ITGA1: variants seen among roughly 807,000 people sequenced by gnomAD.
ITGA1 encodes the protein integrin subunit alpha 1.
In ITGA1, 85 loss-of-function variants were observed where a neutral mutation model predicts 145.9. The ratio of observed to expected loss-of-function variants is 0.58; its 90% CI spans 0.49 to 0.70. The LOEUF is 0.70. Ranked by LOEUF, ITGA1 falls within the 30% of genes least tolerant of loss-of-function variation. The probability of loss-of-function intolerance (pLI) is 0.00; values close to 1 mark genes in which losing one functional copy is unlikely to be tolerated. For synonymous variants in ITGA1, 520 were observed against 495.3 expected, an observed-to-expected ratio of 1.05 and a Z score of -0.66; for missense variants, 1,351 against 1,418.7, an observed-to-expected ratio of 0.95 and a Z score of 0.77.
intron 1 of ITGA1, among the ~76,000 whole-genome samples, chr5:52,812,845 C>G (rs1580041041): frequency 1.7e-5 from 2 of 115,398 alleles, no homozygotes; most frequent in South Asian, 6.1e-4. Context: ...GGCAACAGAT[C>G]AGCCATGGAA....
chr5:52,799,144 C>T (rs1406930344), intron 1 of ITGA1, among the ~76,000 whole-genome samples: 1 of 152,152 alleles, frequency 6.6e-6, no homozygotes, highest in Non-Finnish European at 1.5e-5. Flanking sequence ...CTCTGCCCTC[C>T]ACTCCATCTA....
At chr5:52,864,664 A>C (rs1749655270) in intron 3 of ITGA1, 99 bp from the exon 4 acceptor site, 2 of 700,612 alleles carry the variant, frequency 2.9e-6, no homozygotes, top group Non-Finnish European at 4.9e-6. Context: ...AGAATGTGCT[A>C]TGATATGAGC....
chr5:52,942,156 C>G (rs1751062883), intron 26 of ITGA1, among the ~76,000 whole-genome samples: 1 of 152,142 alleles, frequency 6.6e-6, no homozygotes, highest in African/African-American at 2.4e-5. Context: ...GTACCAGTAT[C>G]ATACTGTTTT....
chr5:52,883,435 G>A (rs969165276), intron 7 of ITGA1, among the ~76,000 whole-genome samples: 4 of 152,184 alleles, frequency 2.6e-5, no homozygotes, highest in Admixed American at 2.6e-4. Flanking sequence ...GGGACACAGA[G>A]TTTATTGAAT....
intron 5 of ITGA1, 132 bp downstream of exon 5, chr5:52,865,214 G>A (rs1297680784): frequency 4.7e-6 from 3 of 635,754 alleles, no homozygotes; most frequent in East Asian, 5.7e-5. Flanking sequence ...TTAGGTAAAT[G>A]TTTGCTTTGC....
At chr5:52,811,464 T>G (rs1184108477) in intron 1 of ITGA1, among the ~76,000 whole-genome samples, 1 of 152,310 alleles carries the variant, frequency 6.6e-6, no homozygotes, top group South Asian at 2.1e-4. Context: ...TTAAAAAGAA[T>G]CTTTTTTGCA....
chr5:52,930,092 G>T (rs1330456881), intron 21 of ITGA1, among the ~76,000 whole-genome samples: 2 of 152,080 alleles, frequency 1.3e-5, no homozygotes, highest in Non-Finnish European at 2.9e-5. Context: ...ATATCCTTTT[G>T]TAATTTAATA....
intron 2 of ITGA1, among the ~76,000 whole-genome samples, chr5:52,855,582 A>G (rs1049567899): frequency 1.2e-4 from 18 of 152,210 alleles, no homozygotes; most frequent in African/African-American, 3.6e-4. Context: ...TGGGGAATAG[A>G]GAACAAAAAT....
Position 52,843,491 on chromosome 5 carries a change from T to C in ITGA1, c.62-5874T>C, listed in dbSNP as rs1749287416. On this transcript the variant is annotated intron_variant, in intron 1 of 28. Coordinates refer to ENST00000282588, the MANE Select transcript of ITGA1 (RefSeq NM_181501.2). ...TGACCCACCTAGTCCAAAGACAGAA[T>C]TTCTTTATTAAGAAGCCAACAACTA... is the stretch of plus-strand genomic sequence containing the variant. Among the ~76,000 whole-genome samples the C allele has an allele frequency of 3.3e-5, 5 of 152,184 alleles. No individual in the cohort carries two copies. The South Asian group carries it at 1.0e-3, about 32-fold the overall frequency.
chr5:52,889,206 A>G (rs879830373), intron 8 of ITGA1, among the ~76,000 whole-genome samples: 4 of 151,992 alleles, frequency 2.6e-5, no homozygotes, highest in South Asian at 4.1e-4. Context: ...GGATCAAGCA[A>G]TTCTCCTGCC....
At chr5:52,894,485 G>C (rs916564354) in intron 9 of ITGA1, among the ~76,000 whole-genome samples, 8 of 151,940 alleles carry the variant, frequency 5.3e-5, no homozygotes, top group Admixed American at 1.3e-4. Context: ...ATGTCAAGTA[G>C]CTAATTACTT....
chr5:52,911,035 G>GTA (rs369304380), intron 14 of ITGA1, among the ~76,000 whole-genome samples: 1 of 6,510 alleles, frequency 1.5e-4, no homozygotes, highest in African/African-American at 1.2e-3. Flanking sequence ...TATGTATACT[G>GTA]TATATACTAT....
At chr5:52,932,387 T>C (rs1750906077) in intron 22 of ITGA1, 1 of 311,384 alleles carries the variant, frequency 3.2e-6, no homozygotes, top group Non-Finnish European at 5.9e-6. Flanking sequence ...GTGTTAGTGA[T>C]ACCGGATTGC....
Position 52,939,686 on chromosome 5 carries a change from A to G in ITGA1, c.3175A>G (p.Ile1059Val). The change falls in exon 25 of 29, where the codon ATT becomes GTT. Residue 1059 changes from isoleucine to valine, a missense_variant. Ile to Val is a conservative substitution (Grantham distance 29, BLOSUM62 3). Coordinates refer to ENST00000282588, the MANE Select transcript of ITGA1 (RefSeq NM_181501.2). ...AACTGACCATCTCAAACGAGGCACA[A>G]TTCTGGTAAATTAAGACAAGTGCTA... ...TSTDHLKRGT[I>V]LDCNTCKFAT... is the part of the protein sequence containing the mutation. 6.2e-7 allele frequency: 1 copy of G among 1,605,652 alleles called. No homozygotes were observed. Among genetic ancestry groups the G allele is most frequent in the Non-Finnish European group, 8.5e-7 (1 of 1,172,604 alleles).
intron 7 of ITGA1, among the ~76,000 whole-genome samples, chr5:52,887,137 T>C (rs1750065402): frequency 6.6e-6 from 1 of 152,164 alleles, no homozygotes; most frequent in Non-Finnish European, 1.5e-5. Context: ...TGCTAACACA[T>C]AGTTCAGGCC....
At chr5:52,843,824 G>A (rs1749294238) in intron 1 of ITGA1, among the ~76,000 whole-genome samples, 1 of 152,016 alleles carries the variant, frequency 6.6e-6, no homozygotes, top group Non-Finnish European at 1.5e-5. Flanking sequence ...AATGCAACCT[G>A]GCTTTTGGCA....
intron 15 of ITGA1, among the ~76,000 whole-genome samples, chr5:52,916,896 CT>C (rs1328774324): frequency 1.3e-5 from 2 of 152,112 alleles, no homozygotes; most frequent in Non-Finnish European, 2.9e-5. Context: ...TGTTTCAAGG[CT>C]TTCTTGCAAA....
At position 52,917,393 on chromosome 5, in the gene ITGA1, T is replaced by C. The variant is rs1750663297; in HGVS notation, c.1989-1339T>C. Among the ~76,000 whole-genome samples, 2 of 152,220 alleles carry C rather than the reference T, an allele frequency of 1.3e-5. 1 individual carries two copies. The highest frequency in any genetic ancestry group is 4.1e-4 in the South Asian group (2 of 4,838). Reference sequence around the variant, plus strand: ...TTCCTAAAAATGTAAAGATACAATCTAGAAGTACAATTAAAGGTGTCATCA... The same window carrying C: ...TTCCTAAAAATGTAAAGATACAATCCAGAAGTACAATTAAAGGTGTCATCA... On this transcript the variant is annotated intron_variant, in intron 15 of 28. Coordinates refer to ENST00000282588, the MANE Select transcript of ITGA1 (RefSeq NM_181501.2).
chr5:52,800,321 C>G, intron 1 of ITGA1: 1 of 1,555,774 alleles, frequency 6.4e-7, no homozygotes, highest in South Asian at 1.2e-5. Context: ...CCTGCATTCC[C>G]ATCCCCTCTC....
Sources: gnomAD v4.1 joint callset for allele counts (sites outside exome capture counted in the v4.1 genomes callset) on GRCh38, gnomAD v4.1.1 for gene constraint, MANE v1.5 for transcripts, NCBI Gene and HGNC (gene_info 2026-07-23, HGNC 2026-07-21) for gene names.